Variants in RBFOX3 observed in about 807,000 individuals in gnomAD.
RBFOX3 encodes the protein RNA binding protein fox-1 homolog 3.
A neutral mutation model predicts 48.7 loss-of-function variants in RBFOX3; 17 were observed. The observed-to-expected ratio is 0.35, with a 90% CI of 0.24 to 0.52. RBFOX3 has a LOEUF of 0.52. RBFOX3 is among the 20% of genes least tolerant of loss of function. The pLI is 0.94. For missense variants in RBFOX3, 382 were observed against 497.5 expected (o/e 0.77, Z 2.21); for synonymous variants, 212 against 209.5 (o/e 1.01, Z -0.10).
chr17:79,275,123 CCTCTCT>C lies in RBFOX3; in HGVS notation c.-74+32595_-74+32600del, dbSNP rs368963249. Among the ~76,000 whole-genome samples, 483 of 130,546 alleles carry C rather than the reference CCTCTCT, an allele frequency of 3.7e-3. 2 individuals are homozygous for C. Among genetic ancestry groups the C allele is most frequent in the Non-Finnish European group, 5.2e-3 (320 of 61,976 alleles). 85.6% of individuals were successfully genotyped at this position (130,546 alleles called of 152,430 possible). A position where few individuals can be genotyped will look rare whatever the true frequency, so the allele number is the denominator to read the frequency against. The stretch of plus-strand genomic sequence containing the variant: ...CTCTCTGCCTCTCTCTCCATGTCTC[CCTCTCT>C]CTCTCTCTCTCTCTCTCTCTCTGTC... On this transcript the variant is annotated intron_variant, in intron 3 of 14. Coordinates refer to ENST00000693108, the MANE Select transcript of RBFOX3 (RefSeq NM_001350451.2).
At chr17:79,366,841 C>T (rs115230852) in intron 2 of RBFOX3, among the ~76,000 whole-genome samples, 8 of 152,320 alleles carry the variant, frequency 5.3e-5, no homozygotes, top group African/African-American at 1.7e-4. Flanking sequence ...GGGAGCTGCT[C>T]TCACCCCAGC....
At position 79,607,388 on chromosome 17, in the gene RBFOX3, G is replaced by A. The variant is rs1051435628; in HGVS notation, c.-320+3438C>T. ...GGGAGACAACCGACCAAAACTTGCA[G>A]GCTCTGGGCTGGGCTGGGCTAGAGG... On this transcript the variant is annotated intron_variant, in intron 1 of 14. Transcript: ENST00000693108. Among the ~76,000 whole-genome samples, 75 of 152,284 alleles carry A rather than the reference G, an allele frequency of 4.9e-4. 1 individual carries two copies. Among genetic ancestry groups the A allele is most frequent in the African/African-American group, 1.7e-3 (71 of 41,560 alleles).
chr17:79,306,968 G>C (rs1226868794), intron 3 of RBFOX3, among the ~76,000 whole-genome samples: 1 of 152,238 alleles, frequency 6.6e-6, no homozygotes, highest in East Asian at 1.9e-4. Flanking sequence ...CTCTGAGGGA[G>C]TTTTCTTTGA....
intron 1 of RBFOX3, among the ~76,000 whole-genome samples, chr17:79,573,129 C>G (rs1377197279): frequency 4.6e-5 from 7 of 152,236 alleles, no homozygotes; most frequent in African/African-American, 1.7e-4. Context: ...CCTCTTCTTT[C>G]TGTCCCCTCT....
At chr17:79,414,045 G>A (rs549711975) in intron 2 of RBFOX3, among the ~76,000 whole-genome samples, 24 of 152,168 alleles carry the variant, frequency 1.6e-4, no homozygotes, top group Non-Finnish European at 3.1e-4. Flanking sequence ...TTGGGCAGCT[G>A]GAAGGAAACT....
At chr17:79,130,230 C>G (rs546543044) in intron 4 of RBFOX3, among the ~76,000 whole-genome samples, 1 of 152,168 alleles carries the variant, frequency 6.6e-6, no homozygotes, top group Admixed American at 6.5e-5. Context: ...CCACAGCCAC[C>G]GGCTCTCAGG....
chr17:79,294,454 G>A (rs1204809560), intron 3 of RBFOX3, among the ~76,000 whole-genome samples: 1 of 152,118 alleles, frequency 6.6e-6, no homozygotes, highest in Non-Finnish European at 1.5e-5. Context: ...GGGACTTCAG[G>A]CGCCTGCCAC....
intron 1 of RBFOX3, among the ~76,000 whole-genome samples, chr17:79,491,954 T>C (rs901094887): frequency 6.6e-6 from 1 of 152,084 alleles, no homozygotes; most frequent in Non-Finnish European, 1.5e-5. Flanking sequence ...TGGTGGTGCA[T>C]ACCTGAAATC....
At chr17:79,594,195 C>A (rs986860546) in intron 1 of RBFOX3, among the ~76,000 whole-genome samples, 34 of 152,214 alleles carry the variant, frequency 2.2e-4, no homozygotes, top group Non-Finnish European at 4.4e-4. Flanking sequence ...AATCTCAGAG[C>A]TAAGGGCTGA....
chr17:79,377,819 A>T (rs865920942), intron 2 of RBFOX3, among the ~76,000 whole-genome samples: 1 of 152,264 alleles, frequency 6.6e-6, no homozygotes, highest in Middle Eastern at 3.4e-3. Context: ...GGTGGAGGGC[A>T]GCCTGGAAAT....
intron 1 of RBFOX3, chr17:79,598,809 C>G (rs2093633937): frequency 3.9e-5 from 6 of 152,178 alleles, no homozygotes. Context: ...AACGAGGCCT[C>G]TGAATGGTGC....
intron 1 of RBFOX3, among the ~76,000 whole-genome samples, chr17:79,559,830 G>A: frequency 6.8e-6 from 1 of 147,200 alleles, no homozygotes; most frequent in Non-Finnish European, 1.5e-5. Context: ...TGGATGTTAG[G>A]TGGTGAATGA....
rs2062502690 is a variant in RBFOX3 at position 79,242,306 on chromosome 17, C to T, written c.-73-6501G>A. ...CCCAGTGCACCACTCTCTTGTGTTACTTCAGATTTTATGAAACGATCTGTT... is the reference window on the plus strand; with the variant it reads ...CCCAGTGCACCACTCTCTTGTGTTATTTCAGATTTTATGAAACGATCTGTT... On this transcript the variant is annotated intron_variant, in intron 3 of 14. Transcript: ENST00000693108. This position sits in a 1 kb window ranked among gnomAD's most constrained non-coding sequence, Gnocchi z 5.8. Among the ~76,000 whole-genome samples, 1 of 152,092 alleles carries T rather than the reference C, an allele frequency of 6.6e-6. No homozygotes were observed. Among genetic ancestry groups the T allele is most frequent in the East Asian group, 1.9e-4 (1 of 5,178 alleles).
chr17:79,268,913 C>G (rs59237539), intron 3 of RBFOX3, among the ~76,000 whole-genome samples: 81 of 152,372 alleles, frequency 5.3e-4, no homozygotes, highest in African/African-American at 1.9e-3. Flanking sequence ...CTCCCTCTCA[C>G]CCCCTTGTCT....
chr17:79,378,640 C>A (rs1007070360), intron 2 of RBFOX3, among the ~76,000 whole-genome samples: 1 of 152,126 alleles, frequency 6.6e-6, no homozygotes, highest in African/African-American at 2.4e-5. Context: ...GAAAAAGAAA[C>A]CTCCTCTCGC....
At chr17:79,191,012 C>T (rs1388153220) in intron 4 of RBFOX3, among the ~76,000 whole-genome samples, 2 of 152,180 alleles carry the variant, frequency 1.3e-5, no homozygotes, top group African/African-American at 4.8e-5. Flanking sequence ...ACTGAGGAAA[C>T]AGCATTCAGG....
chr17:79,323,067 C>T (rs982683987), intron 2 of RBFOX3, among the ~76,000 whole-genome samples: 7 of 152,216 alleles, frequency 4.6e-5, no homozygotes, highest in African/African-American at 2.4e-5. Context: ...AGACAGATTT[C>T]TCAAAGCCTT....
At chr17:79,602,503 G>GAACC (rs1450675388) in intron 1 of RBFOX3, among the ~76,000 whole-genome samples, 1 of 152,180 alleles carries the variant, frequency 6.6e-6, no homozygotes, top group Non-Finnish European at 1.5e-5. Flanking sequence ...GATGGCCGGT[G>GAACC]AACCACACGC....
chr17:79,551,168 A>G (rs2091108696), intron 1 of RBFOX3, among the ~76,000 whole-genome samples: 1 of 152,186 alleles, frequency 6.6e-6, no homozygotes, highest in South Asian at 2.1e-4. Flanking sequence ...TTGGGAATCC[A>G]GGCTATGCAA....
Sources: allele counts gnomAD v4.1 joint callset (sites outside exome capture counted in the v4.1 genomes callset), GRCh38; gene constraint gnomAD v4.1.1; non-coding constraint Gnocchi (gnomAD v3.1); transcripts MANE v1.5; gene names NCBI Gene and HGNC (gene_info 2026-07-23, HGNC 2026-07-21).